The following PUDP variants were observed in gnomAD, a reference collection of about 807,000 sequenced individuals.
PUDP encodes pseudouridine 5'-phosphatase.
In PUDP, 8 loss-of-function variants were observed where a neutral mutation model predicts 9.4. The ratio of observed to expected loss-of-function variants is 0.85; its 90% CI spans 0.50 to 1.53. The LOEUF (loss-of-function observed/expected upper bound fraction) is 1.53, where lower values mean the gene tolerates loss of function less well. PUDP is among the 40% of genes most tolerant of loss of function. PUDP has a pLI of 0.00. For synonymous variants in PUDP, 99 were observed against 80.7 expected (o/e 1.23, Z -1.22); for missense variants, 188 against 189.7 (o/e 0.99, Z 0.05).
chrX:7,008,446 C>T (rs934747021), intron 1 of PUDP, among the ~76,000 whole-genome samples: 6 of 110,867 alleles, frequency 5.4e-5, no homozygotes, highest in Non-Finnish European at 9.4e-5. Context: ...TGGTGCTCTT[C>T]GGTGGTCAAC....
At chrX:6,845,707 C>G (rs929240813) in intron 3 of PUDP, among the ~76,000 whole-genome samples, 2 of 112,345 alleles carry the variant, frequency 1.8e-5, no homozygotes, top group African/African-American at 6.5e-5. Flanking sequence ...CTTGAAAGGA[C>G]AGATTGAATA....
chrX:6,913,383 G>C (rs1408482895), intron 3 of PUDP, among the ~76,000 whole-genome samples: 2 of 111,632 alleles, frequency 1.8e-5, no homozygotes, highest in Non-Finnish European at 3.8e-5. Flanking sequence ...GAAAACCCTA[G>C]AAATATTCAT....
At chrX:6,839,788 C>G (rs980419787) in intron 3 of PUDP, among the ~76,000 whole-genome samples, 6 of 111,071 alleles carry the variant, frequency 5.4e-5, no homozygotes, top group Non-Finnish European at 9.4e-5. Flanking sequence ...AGTACAGCCA[C>G]TTTGGAAGAC....
At chrX:7,009,960 G>C (rs1305471864) in intron 1 of PUDP, among the ~76,000 whole-genome samples, 1 of 111,628 alleles carries the variant, frequency 9.0e-6, no homozygotes, top group African/African-American at 3.3e-5. Flanking sequence ...TTGAATGAAG[G>C]TTCCAATGTT....
chrX:7,131,584 C>T (rs1482915903), intron 1 of PUDP, among the ~76,000 whole-genome samples: 1 of 109,805 alleles, frequency 9.1e-6, no homozygotes, highest in Non-Finnish European at 1.9e-5. Flanking sequence ...AACTTCTTGT[C>T]TCCAGAGCTG....
intron 3 of PUDP, among the ~76,000 whole-genome samples, chrX:6,800,652 T>C (rs1334573905): frequency 4.5e-5 from 5 of 111,863 alleles, no homozygotes; most frequent in African/African-American, 9.8e-5. Flanking sequence ...CAGTGGACAC[T>C]ACATTTTATC....
chrX:6,945,303 A>G (rs1928449148), intron 3 of PUDP, among the ~76,000 whole-genome samples: 1 of 112,046 alleles, frequency 8.9e-6, no homozygotes, highest in South Asian at 3.7e-4. Flanking sequence ...CAAGCCACAA[A>G]GTTGAAGGAG....
intron 1 of PUDP, among the ~76,000 whole-genome samples, chrX:6,708,967 C>A (rs962180511): frequency 1.8e-5 from 2 of 112,177 alleles, no homozygotes; most frequent in Non-Finnish European, 3.8e-5. Context: ...CCTGTGCTCA[C>A]AGGTATATAT....
intron 1 of PUDP, among the ~76,000 whole-genome samples, chrX:7,112,349 C>T (rs1176952539): frequency 3.6e-5 from 4 of 112,147 alleles, no homozygotes. Flanking sequence ...TATTTAAATA[C>T]ATCTGGCTCC....
At chrX:6,792,644 G>A (rs756617357) in intron 3 of PUDP, among the ~76,000 whole-genome samples, 5 of 111,740 alleles carry the variant, frequency 4.5e-5, no homozygotes, top group South Asian at 3.7e-4. Context: ...AGATCCCACC[G>A]CCTTTGTCCA....
intron 1 of PUDP, among the ~76,000 whole-genome samples, chrX:7,027,854 T>C (rs1444375170): frequency 2.3e-5 from 2 of 88,323 alleles, no homozygotes; most frequent in Non-Finnish European, 4.2e-5. Context: ...ATAGACTATA[T>C]ATAGACTATA....
intron 3 of PUDP, among the ~76,000 whole-genome samples, chrX:6,891,742 A>G (rs1028196543): frequency 6.3e-5 from 7 of 111,967 alleles, no homozygotes; most frequent in African/African-American, 2.3e-4. Flanking sequence ...CCTTCCACCC[A>G]GTGAGATGTA....
chrX:7,044,987 T>C (rs1929966429), downstream of PUDP, among the ~76,000 whole-genome samples: 5 of 112,207 alleles, frequency 4.5e-5, no homozygotes, highest in Admixed American at 3.8e-4. Flanking sequence ...GGGTGTTCTG[T>C]CCTGGGCCTG....
chrX:6,914,366 T>C (rs1449290484), intron 3 of PUDP, among the ~76,000 whole-genome samples: 1 of 111,229 alleles, frequency 9.0e-6, no homozygotes, highest in African/African-American at 3.3e-5. Context: ...TACAGAATCA[T>C]GGACCTAGAC....
chrX:6,957,395 A>T (rs191121104), intron 3 of PUDP, among the ~76,000 whole-genome samples: 136 of 110,796 alleles, frequency 1.2e-3, no homozygotes, highest in Non-Finnish European at 1.5e-3. Flanking sequence ...ATTAAAAAAA[A>T]AAAAAATAGT....
chrX:6,849,509 C>T (rs1346452347), intron 3 of PUDP, among the ~76,000 whole-genome samples: 1 of 111,359 alleles, frequency 9.0e-6, no homozygotes, highest in Non-Finnish European at 1.9e-5. Flanking sequence ...TTTTTGGTAT[C>T]CTAGATCATA....
At chrX:6,722,783 T>A (rs1251104308), upstream of PUDP, among the ~76,000 whole-genome samples, 3 of 111,785 alleles carry the variant, frequency 2.7e-5, no homozygotes, top group Admixed American at 2.9e-4. Context: ...AGAAGGTGAT[T>A]CAGAGTAAAG....
At chrX:7,086,936 T>G (rs1254642951) in intron 2 of PUDP, among the ~76,000 whole-genome samples, 1 of 111,885 alleles carries the variant, frequency 8.9e-6, no homozygotes, top group Non-Finnish European at 1.9e-5. Flanking sequence ...AGCAAGGCTC[T>G]GGCAAGACTG....
chrX:6,794,922 GT>G (rs397954777), intron 3 of PUDP, among the ~76,000 whole-genome samples: 13 of 95,731 alleles, frequency 1.4e-4, no homozygotes, highest in South Asian at 5.1e-4. Context: ...AACTTTTTAG[GT>G]TTTTTTTTTT....
Sources: allele counts gnomAD v4.1 joint callset (sites outside exome capture counted in the v4.1 genomes callset), GRCh38; gene constraint gnomAD v4.1.1; transcripts MANE v1.5; gene names NCBI Gene and HGNC (gene_info 2026-07-23, HGNC 2026-07-21).